The following MRPS5 variants were observed in gnomAD, a reference collection of about 807,000 sequenced individuals.
The protein encoded by MRPS5 is mitochondrial ribosomal protein S5, also known as small ribosomal subunit protein uS5m.
MRPS5 carries 27 observed loss-of-function variants against 51.9 expected under a neutral mutation model. That is an observed-to-expected ratio of 0.52 (90% CI 0.38 to 0.72). MRPS5 has a LOEUF of 0.72. MRPS5 is among the 30% of genes least tolerant of loss of function. MRPS5 has a pLI of 0.00. For synonymous variants in MRPS5, 196 were observed against 193.2 expected, an observed-to-expected ratio of 1.01 and a Z score of -0.12; for missense variants, 570 against 545.7, an observed-to-expected ratio of 1.04 and a Z score of -0.44.
chr2:95,087,403 C>T lies in MRPS5; in HGVS notation c.1247G>A (p.Gly416Glu), dbSNP rs779549375. 1 of 1,614,174 alleles carries T rather than the reference C, an allele frequency of 6.2e-7. No individual in the cohort carries two copies. Among genetic ancestry groups the T allele is most frequent in the Non-Finnish European group, 8.5e-7 (1 of 1,180,044 alleles). The change falls in exon 12 of 12, where the codon GGA (glycine) becomes GAA (glutamate). Residue 416 changes from glycine (G) to glutamate (E), a missense_variant. Physicochemically the swap from Gly to Glu is moderately conservative, Grantham distance 98 (BLOSUM62 -2). Coordinates refer to ENST00000272418, the MANE Select transcript of MRPS5 (RefSeq NM_031902.5). ...LDWEDVKTAQ[G>E]MKRSVWSNLK... The stretch of plus-strand genomic sequence containing the variant: ...ATTAGACCACACAGAGCGCTTCATT[C>T]CCTGTGCAGTCTTCACATCTTCCCA...
chr2:95,110,977 T>C (rs1204325190), intron 3 of MRPS5, among the ~76,000 whole-genome samples: 1 of 152,206 alleles, frequency 6.6e-6, no homozygotes, highest in Non-Finnish European at 1.5e-5. Context: ...TTCTACCTAC[T>C]TGCTTCCTGC....
intron 10 of MRPS5, among the ~76,000 whole-genome samples, chr2:95,099,022 C>G (rs1457567083): frequency 3.3e-5 from 5 of 150,820 alleles, no homozygotes; most frequent in Non-Finnish European, 7.4e-5. Context: ...AGGTTCACCC[C>G]ATTCTCCTGC....
chr2:95,104,822 TGAACAGGCACACACAGA>T (rs1573339061), intron 6 of MRPS5, 92 bp from the exon 7 acceptor site: 1 of 1,065,240 alleles, frequency 9.4e-7, no homozygotes, highest in South Asian at 1.5e-5. Context: ...GCATACACGG[TGAACAGGCACACACAGA>T]GAACAGGCAC....
At chr2:95,089,451 C>T (rs535789490) in intron 11 of MRPS5, among the ~76,000 whole-genome samples, 2 of 152,322 alleles carry the variant, frequency 1.3e-5, no homozygotes, top group East Asian at 1.9e-4. Context: ...AAGGTCTACC[C>T]ATCCTTTCAA....
At chr2:95,107,443 A>G (rs571227029) in intron 5 of MRPS5, among the ~76,000 whole-genome samples, 2 of 152,150 alleles carry the variant, frequency 1.3e-5, no homozygotes, top group Non-Finnish European at 2.9e-5. Flanking sequence ...GCCACTTCAC[A>G]CTCTGAATCT....
chr2:95,118,288 TC>T (rs1676348030), intron 1 of MRPS5, among the ~76,000 whole-genome samples: 1 of 152,122 alleles, frequency 6.6e-6, no homozygotes, highest in Non-Finnish European at 1.5e-5. Flanking sequence ...TTTCAATCTC[TC>T]CCCCTCTGCT....
At chr2:95,121,884 C>G, upstream of MRPS5, 1 of 1,384,544 alleles carries the variant, frequency 7.2e-7, no homozygotes, top group African/African-American at 1.5e-5. Flanking sequence ...AGCCTTGGGC[C>G]GCAGCGGAAT....
intron 11 of MRPS5, among the ~76,000 whole-genome samples, chr2:95,089,487 G>A (rs1675394672): frequency 6.6e-6 from 1 of 152,216 alleles, no homozygotes; most frequent in Admixed American, 6.5e-5. Context: ...TCCTGGGCAG[G>A]TAGGGGAGCT....
At chr2:95,107,326 C>A (rs1675979473) in intron 5 of MRPS5, among the ~76,000 whole-genome samples, 1 of 152,200 alleles carries the variant, frequency 6.6e-6, no homozygotes, top group Non-Finnish European at 1.5e-5. Flanking sequence ...CTCTTCCTTA[C>A]AGACCAACTG....
At chr2:95,104,349 A>C (rs1558681604) in intron 7 of MRPS5, 1 of 404,230 alleles carries the variant, frequency 2.5e-6, no homozygotes, top group East Asian at 5.2e-5. Context: ...TTGAACATTT[A>C]GTTTTTCTCC....
chr2:95,092,505 G>A (rs1432067850), intron 10 of MRPS5: 1 of 152,166 alleles, frequency 6.6e-6, no homozygotes, highest in Non-Finnish European at 1.5e-5. Context: ...CATCATTTAG[G>A]AAATGCCTAT....
chr2:95,085,419 T>C lies in MRPS5; in HGVS notation c.*1938A>G, dbSNP rs1456713459. Among the ~76,000 whole-genome samples the C allele has an allele frequency of 3.9e-5, 6 of 152,192 alleles. No homozygotes were observed. The highest frequency in any genetic ancestry group is 5.9e-5 in the Non-Finnish European group (4 of 68,026). ...ATTGTCTTTTATTGCTTAAAGTTCATTGTCTTTATATTTGTTAGGTACTTA... is the reference window on the plus strand; with the variant it reads ...ATTGTCTTTTATTGCTTAAAGTTCACTGTCTTTATATTTGTTAGGTACTTA... On this transcript the variant is annotated 3_prime_UTR_variant, in exon 12 of 12. Transcript: ENST00000272418.
chr2:95,114,573 T>C (rs1246999392), intron 3 of MRPS5, among the ~76,000 whole-genome samples: 4 of 152,032 alleles, frequency 2.6e-5, no homozygotes, highest in Admixed American at 2.6e-4. Flanking sequence ...GCCCGGCCAA[T>C]CCTAATTTCT....
chr2:95,116,044 T>A (rs548336300), intron 2 of MRPS5, among the ~76,000 whole-genome samples: 375 of 152,094 alleles, frequency 2.5e-3, no homozygotes, highest in Non-Finnish European at 4.2e-3. Flanking sequence ...TAGCTGGGAT[T>A]ACAGGCATGC....
Position 95,100,498 on chromosome 2 carries a change from T to C in MRPS5, c.907A>G (p.Ile303Val), listed in dbSNP as rs1675762468. The change falls in exon 10 of 12, where the codon ATC (isoleucine) becomes GTC (valine). Residue 303 changes from isoleucine (I) to valine (V), a missense_variant. Transcript: ENST00000272418. ...DISLRFKRTH[I>V]KMKKQPKGYG... ...CCTTTGGGTTGTTTCTTCATCTTGA[T>C]ATGCGTCCTTTTAAATCTTAATGAA... is the stretch of plus-strand genomic sequence containing the variant. 1.2e-6 allele frequency: 2 copies of C among 1,608,216 alleles called. No homozygotes were observed. Among genetic ancestry groups the C allele is most frequent in the East Asian group, 2.2e-5 (1 of 44,828 alleles).
chr2:95,104,613 A>T (rs769214408), intron 7 of MRPS5, 27 bp downstream of exon 7: 9 of 1,610,732 alleles, frequency 5.6e-6, no homozygotes. Context: ...CACCACCGCC[A>T]CTGTGATGCC....
intron 10 of MRPS5, among the ~76,000 whole-genome samples, chr2:95,098,710 G>A (rs1259776744): frequency 1.3e-5 from 2 of 152,116 alleles, no homozygotes; most frequent in African/African-American, 2.4e-5. Context: ...GTGGGGGAGG[G>A]ATAGCATTAG....
At chr2:95,100,571 G>C (rs774472031) in intron 9 of MRPS5, 35 bp from the exon 10 acceptor site, 3 of 1,504,156 alleles carry the variant, frequency 2.0e-6, no homozygotes, top group Admixed American at 3.4e-5. Context: ...AGAGGATTAG[G>C]TGTGTGGCTT....
chr2:95,096,425 T>C (rs1281086727), intron 10 of MRPS5, among the ~76,000 whole-genome samples: 3 of 152,176 alleles, frequency 2.0e-5, no homozygotes, highest in Admixed American at 2.0e-4. Context: ...TGAATATCGA[T>C]GCAAAAATCC....
Sources: gnomAD v4.1 joint callset for allele counts (sites outside exome capture counted in the v4.1 genomes callset) on GRCh38, gnomAD v4.1.1 for gene constraint, MANE v1.5 for transcripts, NCBI Gene and HGNC (gene_info 2026-07-23, HGNC 2026-07-21) for gene names.